Variants in PADI2 observed in about 807,000 individuals in gnomAD.
PADI2 encodes the protein peptidyl arginine deiminase 2.
A neutral mutation model predicts 81.1 loss-of-function variants in PADI2; 70 were observed. The observed-to-expected ratio is 0.86, with a 90% CI of 0.71 to 1.05. The LOEUF is 1.05. PADI2 is among the 50% of genes least tolerant of loss of function. The pLI, the probability that PADI2 is intolerant of heterozygous loss-of-function variation, is 0.00. For missense variants in PADI2, 853 were observed against 889.9 expected, an observed-to-expected ratio of 0.96 and a Z score of 0.53; for synonymous variants, 338 against 358.0, an observed-to-expected ratio of 0.94 and a Z score of 0.63.
At chr1:17,069,559 G>C (rs374250961) in intron 15 of PADI2, among the ~76,000 whole-genome samples, 2 of 152,330 alleles carry the variant, frequency 1.3e-5, no homozygotes, top group Middle Eastern at 6.8e-3. Context: ...ATGTACATGT[G>C]TATGAATGTG....
intron 1 of PADI2, among the ~76,000 whole-genome samples, chr1:17,105,901 C>T (rs1931358142): frequency 6.6e-6 from 1 of 152,212 alleles, no homozygotes; most frequent in East Asian, 1.9e-4. Flanking sequence ...GAATTCTTAA[C>T]AACCTTCCTA....
intron 1 of PADI2, among the ~76,000 whole-genome samples, chr1:17,108,109 C>T (rs1313690749): frequency 2.6e-5 from 4 of 151,988 alleles, no homozygotes; most frequent in Admixed American, 1.3e-4. Flanking sequence ...CCACCATGCC[C>T]GGCTAATTTT....
At position 17,115,494 on chromosome 1, in the gene PADI2, C is replaced by T. The variant is rs1251851919; in HGVS notation, c.92+3786G>A. 6.6e-6 allele frequency among the ~76,000 whole-genome samples: 1 copy of T among 152,240 alleles called. No homozygotes were observed. The highest frequency in any genetic ancestry group is 1.5e-5 in the Non-Finnish European group (1 of 68,042). On this transcript the variant is annotated intron_variant, in intron 1 of 15. Coordinates refer to ENST00000375486, the MANE Select transcript of PADI2 (RefSeq NM_007365.3). This position sits in a 1 kb window ranked among gnomAD's most constrained non-coding sequence, Gnocchi z 4.1. ...CGAGGGAGGAACAGAAGAAGCCATT[C>T]CCAAGGCCCAGCTTGTGGGCAGAGA... is the stretch of plus-strand genomic sequence containing the variant.
At chr1:17,118,623 C>T (rs961388145) in intron 1 of PADI2, among the ~76,000 whole-genome samples, 1 of 152,172 alleles carries the variant, frequency 6.6e-6, no homozygotes, top group African/African-American at 2.4e-5. Flanking sequence ...CGCTATACAC[C>T]CCAAGTCCCC....
In PADI2 at chr1:17,096,313, A is replaced by G. The variant is rs151117046; in HGVS notation, c.350-343T>C. ...AGTTCAGAGGTGAAGTCGCATGCCCAAGATCACATAGGGACGCTAGCAGAA... is the reference window on the plus strand; with the variant it reads ...AGTTCAGAGGTGAAGTCGCATGCCCGAGATCACATAGGGACGCTAGCAGAA... On this transcript the variant is annotated intron_variant, in intron 3 of 15. Coordinates refer to ENST00000375486, the MANE Select transcript of PADI2 (RefSeq NM_007365.3). 3.2e-3 allele frequency among the ~76,000 whole-genome samples: 492 copies of G among 152,314 alleles called. 1 individual carries two copies. The highest frequency in any genetic ancestry group is 0.011 in the African/African-American group (465 of 41,554).
chr1:17,069,669 A>ATG (rs776193110), intron 15 of PADI2, among the ~76,000 whole-genome samples: 10 of 151,946 alleles, frequency 6.6e-5, no homozygotes, highest in Non-Finnish European at 1.2e-4. Context: ...TTCTGTGTGC[A>ATG]TGTGTGTGTA....
chr1:17,084,760 C>A, intron 7 of PADI2, 58 bp from the exon 8 acceptor site: 1 of 1,074,602 alleles, frequency 9.3e-7, no homozygotes. Flanking sequence ...GCTTTCTTTG[C>A]CTGCCTTTCA....
At chr1:17,070,753 C>T in intron 14 of PADI2, among the ~76,000 whole-genome samples, 1 of 152,142 alleles carries the variant, frequency 6.6e-6, no homozygotes, top group East Asian at 1.9e-4. Flanking sequence ...CCTCCACTTC[C>T]TGGGTTCAAG....
intron 3 of PADI2, among the ~76,000 whole-genome samples, chr1:17,097,042 A>T (rs1363941584): frequency 6.6e-6 from 1 of 152,186 alleles, no homozygotes; most frequent in Non-Finnish European, 1.5e-5. Context: ...AATTGCCTTG[A>T]GTTGGAGACG....
At chr1:17,105,777 C>T (rs189043886) in intron 1 of PADI2, among the ~76,000 whole-genome samples, 93 of 152,298 alleles carry the variant, frequency 6.1e-4, no homozygotes, top group African/African-American at 2.1e-3. Context: ...CCCAAAGGGG[C>T]CAGCTGCATT....
At position 17,104,881 on chromosome 1, in the gene PADI2, G is replaced by A. The variant is rs748897809; in HGVS notation, c.273C>T (p.Asp91=). The A allele has an allele frequency of 1.1e-5, 17 of 1,569,384 alleles. No individual in the cohort carries two copies. Among genetic ancestry groups the A allele is most frequent in the African/African-American group, 2.7e-5 (2 of 74,140 alleles). ...GCTGGACTTCCCGCCGTGGTACCTT[G>A]TCACTGCTGGCCTCGGTGCTCGCCT... ...MSQASTEASS[D]KVTVNYYDEE... The change falls in exon 2 of 16, where the codon GAC becomes GAT. Residue 91 remains aspartate, a synonymous_variant. Coordinates refer to ENST00000375486, the MANE Select transcript of PADI2 (RefSeq NM_007365.3).
Position 17,092,407 on chromosome 1 carries a change from C to G in PADI2, c.655+1G>C, listed in dbSNP as rs757979505. On this transcript the variant is annotated splice_donor_variant, in intron 6 of 15. Coordinates refer to ENST00000375486, the MANE Select transcript of PADI2 (RefSeq NM_007365.3). LOFTEE classifies it high-confidence loss of function. ...GGCTGGACTGGGCTGGGATCACTCA[C>G]TCTCCACGTAGAACACGCCCACTTT... The G allele has an allele frequency of 5.0e-6, 8 of 1,601,580 alleles. No homozygotes were observed. Among genetic ancestry groups the G allele is most frequent in the Middle Eastern group, 1.7e-4 (1 of 6,014 alleles).
intron 1 of PADI2, among the ~76,000 whole-genome samples, chr1:17,112,427 G>C (rs1338512916): frequency 6.6e-6 from 1 of 152,096 alleles, no homozygotes; most frequent in Non-Finnish European, 1.5e-5. Context: ...CGCCTGGCCT[G>C]GGCCTCATTA....
intron 2 of PADI2, among the ~76,000 whole-genome samples, chr1:17,104,049 A>G (rs1008877527): frequency 1.4e-4 from 21 of 151,864 alleles, no homozygotes; most frequent in African/African-American, 2.7e-4. Flanking sequence ...TTGGGAGGCC[A>G]AGGTGGGCGG....
At chr1:17,069,421 C>A in intron 15 of PADI2, 144 bp from the exon 16 acceptor site, 1 of 663,348 alleles carries the variant, frequency 1.5e-6, no homozygotes, top group East Asian at 2.7e-5. Context: ...GGCTAAGTCA[C>A]TCACAAATGG....
rs368625317 is a variant in PADI2 at position 17,104,057 on chromosome 1, C to T, written c.276+821G>A. On this transcript the variant is annotated intron_variant, in intron 2 of 15. Transcript: ENST00000375486. ...CAGCACTTTGGGAGGCCAAGGTGGG[C>T]GGATCACAAGGTCAGGAGATCGACA... Among the ~76,000 whole-genome samples the T allele has an allele frequency of 4.5e-3, 682 of 150,450 alleles. 5 individuals carry two copies. The highest frequency in any genetic ancestry group is 0.014 in the African/African-American group (577 of 40,874).
At chr1:17,107,459 G>A (rs1156735201) in intron 1 of PADI2, among the ~76,000 whole-genome samples, 5 of 152,184 alleles carry the variant, frequency 3.3e-5, no homozygotes, top group Admixed American at 1.3e-4. Context: ...CTGGGGCGGC[G>A]GCACCTGGAG....
intron 1 of PADI2, among the ~76,000 whole-genome samples, chr1:17,111,040 G>C (rs950254070): frequency 1.4e-5 from 2 of 146,372 alleles, no homozygotes; most frequent in African/African-American, 5.0e-5. Flanking sequence ...GTAGATTAGT[G>C]AAAAAGCAAA....
intron 6 of PADI2, among the ~76,000 whole-genome samples, chr1:17,088,956 C>T (rs528379285): frequency 6.8e-6 from 1 of 146,718 alleles, no homozygotes; most frequent in Non-Finnish European, 1.5e-5. Flanking sequence ...ATTCACTTAA[C>T]CTCCCTGAGC....
Sources: gnomAD v4.1 joint callset for allele counts (sites outside exome capture counted in the v4.1 genomes callset) on GRCh38, gnomAD v4.1.1 for gene constraint, Gnocchi (gnomAD v3.1) non-coding constraint, MANE v1.5 for transcripts, NCBI Gene and HGNC (gene_info 2026-07-23, HGNC 2026-07-21) for gene names.